The following CNTLN variants were observed in gnomAD, a reference collection of about 807,000 sequenced individuals.
The protein encoded by CNTLN is centlein, centrosomal protein.
CNTLN carries 212 observed loss-of-function variants against 180.0 expected under a neutral mutation model. The ratio of observed to expected loss-of-function variants is 1.18; its 90% confidence interval spans 1.05 to 1.32. The LOEUF is 1.32. CNTLN is among the 40% of genes most tolerant of loss of function. The probability of loss-of-function intolerance (pLI) is 0.00; values close to 1 mark genes in which losing one functional copy is unlikely to be tolerated. For missense variants in CNTLN, 2,095 were observed against 1,610.9 expected (o/e 1.30, Z -5.14); for synonymous variants, 722 against 563.1 (o/e 1.28, Z -3.99).
intron 12 of CNTLN, among the ~76,000 whole-genome samples, chr9:17,356,008 G>C (rs993380629): frequency 6.7e-6 from 1 of 148,814 alleles, no homozygotes; most frequent in Non-Finnish European, 1.5e-5. Flanking sequence ...AGCTTGCAGT[G>C]AGCCGAGATC....
At chr9:17,370,875 G>A (rs1473080520) in intron 13 of CNTLN, among the ~76,000 whole-genome samples, 2 of 151,920 alleles carry the variant, frequency 1.3e-5, no homozygotes, top group Non-Finnish European at 2.9e-5. Context: ...TTAAAATAAT[G>A]GGTTATAAGA....
At chr9:17,267,368 C>A (rs546774920) in intron 5 of CNTLN, among the ~76,000 whole-genome samples, 1 of 152,210 alleles carries the variant, frequency 6.6e-6, no homozygotes, top group African/African-American at 2.4e-5. Flanking sequence ...ATATAGGCCC[C>A]CACTCTCTTC....
In CNTLN at chr9:17,154,771, A is replaced by G. The variant is rs1024697502; in HGVS notation, c.449+11395A>G. 4.6e-5 allele frequency among the ~76,000 whole-genome samples: 7 copies of G among 152,342 alleles called. No individual in the cohort carries two copies. The East Asian group carries it at 1.4e-3, about 29-fold the overall frequency. ...CAGCACTCTGTAAAATGGACCAATC[A>G]GCGCTCTGTAAAATGGACTAATTAT... On this transcript the variant is annotated intron_variant, in intron 2 of 25. Coordinates refer to ENST00000380647, the MANE Select transcript of CNTLN (RefSeq NM_017738.4).
rs1294707438 is a variant in CNTLN at position 17,415,861 on chromosome 9, A to G, written c.2870A>G (p.His957Arg). 2 of 1,612,264 alleles carry G rather than the reference A, an allele frequency of 1.2e-6. No individual in the cohort carries two copies. Among genetic ancestry groups the G allele is most frequent in the Non-Finnish European group, 1.7e-6 (2 of 1,179,136 alleles). The change falls in exon 17 of 26, where the codon CAT becomes CGT. Residue 957 changes from histidine (H) to arginine (R), a missense_variant. By Grantham distance (29) the His-to-Arg change is conservative. Transcript: ENST00000380647. The stretch of plus-strand genomic sequence containing the variant: ...AATTGCAAGATGCAAAAGAGTTCAC[A>G]TACAGCAGTTCCTACTAGAGGTAAG... ...KKNCKMQKSS[H>R]TAVPTRVNRE...
At chr9:17,296,311 C>T (rs1392528879) in intron 6 of CNTLN, among the ~76,000 whole-genome samples, 1 of 152,054 alleles carries the variant, frequency 6.6e-6, no homozygotes, top group Non-Finnish European at 1.5e-5. Context: ...AGCCATCGCA[C>T]CCTGCCTAGT....
intron 18 of CNTLN, among the ~76,000 whole-genome samples, chr9:17,429,377 C>T (rs376057735): frequency 3.9e-5 from 6 of 152,072 alleles, no homozygotes; most frequent in East Asian, 3.9e-4. Flanking sequence ...TGACTATATT[C>T]GCTACAGCTG....
At chr9:17,496,621 A>G (rs967372891) in intron 25 of CNTLN, among the ~76,000 whole-genome samples, 1 of 152,202 alleles carries the variant, frequency 6.6e-6, no homozygotes, top group African/African-American at 2.4e-5. Context: ...AATACTTTTT[A>G]TATCAGTTAA....
At chr9:17,244,410 G>T (rs1360509882) in intron 5 of CNTLN, among the ~76,000 whole-genome samples, 1 of 151,908 alleles carries the variant, frequency 6.6e-6, no homozygotes, top group Non-Finnish European at 1.5e-5. Flanking sequence ...TAGAGATGAG[G>T]TCTTGCTATG....
intron 13 of CNTLN, among the ~76,000 whole-genome samples, chr9:17,369,242 A>G (rs1222901290): frequency 6.6e-6 from 1 of 152,062 alleles, no homozygotes; most frequent in African/African-American, 2.4e-5. Context: ...CTTGTGAAGA[A>G]GGTGCCTTGC....
intron 2 of CNTLN, among the ~76,000 whole-genome samples, chr9:17,199,108 G>A (rs1223038422): frequency 6.6e-6 from 1 of 150,900 alleles, no homozygotes; most frequent in African/African-American, 2.4e-5. Context: ...TTGCCACACT[G>A]TCTTCCACAG....
At chr9:17,262,612 A>C (rs1279541781) in intron 5 of CNTLN, among the ~76,000 whole-genome samples, 1 of 151,454 alleles carries the variant, frequency 6.6e-6, no homozygotes, top group Non-Finnish European at 1.5e-5. Context: ...ATTACGACAA[A>C]TACCTAATGC....
At chr9:17,470,368 G>A (rs1348544555) in intron 23 of CNTLN, among the ~76,000 whole-genome samples, 2 of 151,932 alleles carry the variant, frequency 1.3e-5, no homozygotes, top group African/African-American at 4.8e-5. Flanking sequence ...ATTCTATGCA[G>A]AGCTTATTAG....
chr9:17,161,955 T>C (rs1203200236), intron 2 of CNTLN, among the ~76,000 whole-genome samples: 1 of 152,210 alleles, frequency 6.6e-6, no homozygotes, highest in Admixed American at 6.5e-5. Flanking sequence ...TTCTGTTTTT[T>C]CTTTTCCATC....
intron 21 of CNTLN, among the ~76,000 whole-genome samples, chr9:17,464,939 T>A (rs1831660310): frequency 6.6e-6 from 1 of 151,220 alleles, no homozygotes; most frequent in South Asian, 2.1e-4. Flanking sequence ...TAATTTATGA[T>A]AGAATCAAGC....
chr9:17,423,801 G>C (rs1828895028), intron 18 of CNTLN, among the ~76,000 whole-genome samples: 2 of 152,100 alleles, frequency 1.3e-5, no homozygotes, highest in African/African-American at 4.8e-5. Flanking sequence ...GCCTTGTGTT[G>C]TGTTCCGCTG....
chr9:17,309,057 G>A lies in CNTLN; in HGVS notation c.1147-1G>A. Reference sequence around the variant, plus strand: ...TAATTTGGATATATTTTTTGAAACAGCTTTACAATGAGTTACATATTTGTT... The same window carrying A: ...TAATTTGGATATATTTTTTGAAACAACTTTACAATGAGTTACATATTTGTT... On this transcript the variant is annotated splice_acceptor_variant, in intron 7 of 25. Coordinates refer to ENST00000380647, the MANE Select transcript of CNTLN (RefSeq NM_017738.4). LOFTEE classifies it high-confidence loss of function. The A allele has an allele frequency of 6.4e-7, 1 of 1,568,426 alleles. No homozygotes were observed. The highest frequency in any genetic ancestry group is 1.2e-5 in the South Asian group (1 of 83,136).
intron 3 of CNTLN, among the ~76,000 whole-genome samples, chr9:17,227,972 G>T (rs1824577099): frequency 6.6e-6 from 1 of 152,038 alleles, no homozygotes; most frequent in Non-Finnish European, 1.5e-5. Flanking sequence ...ACAACCTTAT[G>T]AGCCAGACAT....
chr9:17,275,179 C>G (rs1364086758), intron 6 of CNTLN, among the ~76,000 whole-genome samples: 2 of 152,014 alleles, frequency 1.3e-5, no homozygotes, highest in African/African-American at 4.8e-5. Context: ...AGCGTTTAGT[C>G]TTTCCTTGAA....
intron 16 of CNTLN, among the ~76,000 whole-genome samples, chr9:17,415,135 T>C (rs187881061): frequency 2.0e-5 from 3 of 152,024 alleles, no homozygotes; most frequent in African/African-American, 7.2e-5. Context: ...TACTAATATA[T>C]ACAATTTTAA....
Sources: allele counts gnomAD v4.1 joint callset (sites outside exome capture counted in the v4.1 genomes callset), GRCh38; gene constraint gnomAD v4.1.1; transcripts MANE v1.5; gene names NCBI Gene and HGNC (gene_info 2026-07-23, HGNC 2026-07-21).